YOD1: variants seen among roughly 807,000 people sequenced by gnomAD.
YOD1 encodes the protein ubiquitin thioesterase OTU1.
A neutral mutation model predicts 23.7 loss-of-function variants in YOD1; 17 were observed. The observed-to-expected ratio is 0.72, with a 90% CI of 0.49 to 1.07. YOD1 has a LOEUF of 1.07. YOD1 is among the 50% of genes least tolerant of loss of function. The pLI is 0.00. For missense variants in YOD1, 413 were observed against 447.2 expected, an observed-to-expected ratio of 0.92 and a Z score of 0.69; for synonymous variants, 191 against 169.6, an observed-to-expected ratio of 1.13 and a Z score of -0.98.
At position 207,049,247 on chromosome 1, in the gene YOD1, T is replaced by TA; in HGVS notation, c.819dup (p.Asn274Ter). 6.2e-7 allele frequency: 1 copy of TA among 1,614,122 alleles called. No homozygotes were observed. The highest frequency in any genetic ancestry group is 1.3e-5 in the African/African-American group (1 of 75,022). ...GGAGGTGTATCTGGATCAGGGAAGT[T>TA]ACGCTGAAGTGGATCATAGTGGATG... On this transcript the variant is annotated frameshift_variant, in exon 2 of 2. Transcript: ENST00000315927. LOFTEE classifies it high-confidence loss of function.
In YOD1 at chr1:207,050,982, C is replaced by T. The variant is rs1325347603; in HGVS notation, c.49G>A (p.Gly17Ser). 5.9e-6 allele frequency: 9 copies of T among 1,537,064 alleles called. No individual in the cohort carries two copies. In the African/African-American group the frequency reaches 9.6e-5, roughly 16 times the overall value. Reference protein sequence around the residue: ...GRHFGVHPAPGFPGGVSQQAA... With the variant: ...GRHFGVHPAPSFPGGVSQQAA... ...TGTTGGGAGACGCCGCCGGGGAAAC[C>T]AGGCGCCGGGTGGACTCCAAAATGG... The change falls in exon 1 of 2, where the codon GGT becomes AGT. Residue 17 changes from glycine (G) to serine (S), a missense_variant. Gly to Ser is a moderately conservative substitution (Grantham distance 56). Transcript: ENST00000315927.
Position 207,048,300 on chromosome 1 carries a change from A to G in YOD1, c.*720T>C, listed in dbSNP as rs1328796484. On this transcript the variant is annotated 3_prime_UTR_variant, in exon 2 of 2. Transcript: ENST00000315927. ...ATGCTAGAGATCTTAAACAGGGCAC[A>G]ATCAGTTCCTGTTTTGTGATAACAT... 1 of 152,722 alleles carries G rather than the reference A, an allele frequency of 6.5e-6. No homozygotes were observed. Among genetic ancestry groups the G allele is most frequent in the East Asian group, 1.9e-4 (1 of 5,204 alleles). The allele number at this position is 152,722 out of a possible 1,614,324, so 9.5% of individuals were successfully genotyped here.
Position 207,047,871 on chromosome 1 carries a change from T to G in YOD1, c.*1149A>C, listed in dbSNP as rs985632527. 1.3e-5 allele frequency: 2 copies of G among 152,202 alleles called. No individual in the cohort carries two copies. Among genetic ancestry groups the G allele is most frequent in the Admixed American group, 1.3e-4 (2 of 15,278 alleles). The allele number at this position is 152,202 out of a possible 1,614,324, so 9.4% of individuals were successfully genotyped here. A position where few individuals can be genotyped will look rare whatever the true frequency, so the allele number is the denominator to read the frequency against. ...AAAAATCAAAGTAAAAGATTGCAGATAAGCAAAGTGCTAATTTGCAGAAAT... is the reference window on the plus strand; with the variant it reads ...AAAAATCAAAGTAAAAGATTGCAGAGAAGCAAAGTGCTAATTTGCAGAAAT... On this transcript the variant is annotated 3_prime_UTR_variant, in exon 2 of 2. Transcript: ENST00000315927.
In YOD1 at chr1:207,049,476, A is replaced by G. The variant is rs1682680414; in HGVS notation, c.591T>C (p.Tyr197=). ...TTGTTTTTCCCAGTATTGCCTCACT[A>G]TAGAAGTCTGGATCGCTTGCTACAA... The part of the protein sequence containing the change: ...AQIVASDPDF[Y]SEAILGKTNQ... The change falls in exon 2 of 2, where the codon TAT becomes TAC. Residue 197 remains tyrosine (Y), a synonymous_variant. Coordinates refer to ENST00000315927, the MANE Select transcript of YOD1 (RefSeq NM_018566.4). The G allele has an allele frequency of 1.9e-6, 3 of 1,614,072 alleles. No homozygotes were observed. Among genetic ancestry groups the G allele is most frequent in the East Asian group, 2.2e-5 (1 of 44,894 alleles).
chr1:207,049,514 G>A lies in YOD1; in HGVS notation c.553C>T (p.Leu185Phe). 1 of 1,614,126 alleles carries A rather than the reference G, an allele frequency of 6.2e-7. No homozygotes were observed. Residue 185 changes from leucine (L) to phenylalanine (F), a missense_variant, in exon 2 of 2, where the codon CTC (leucine) becomes TTC (phenylalanine). By Grantham distance (22) the Leu-to-Phe change is conservative. Transcript: ENST00000315927. ...NPACAPEMRR[L>F]IAQIVASDPD... is the part of the protein sequence containing the mutation. ...TCGCTTGCTACAATTTGTGCTATGAGGCGTCTCATCTCAGGGGCACAAGCT... is the reference window on the plus strand; with the variant it reads ...TCGCTTGCTACAATTTGTGCTATGAAGCGTCTCATCTCAGGGGCACAAGCT...
At chr1:207,051,389 C>T (rs1288910622), upstream of YOD1, among the ~76,000 whole-genome samples, 2 of 152,188 alleles carry the variant, frequency 1.3e-5, no homozygotes, top group Non-Finnish European at 2.9e-5. Context: ...TAGTTCACAA[C>T]GCAAACGAAT....
At chr1:207,049,802 T>C (rs1290227640) in intron 1 of YOD1, 79 bp from the exon 2 acceptor site, 1 of 1,354,974 alleles carries the variant, frequency 7.4e-7, no homozygotes, top group Non-Finnish European at 1.0e-6. Flanking sequence ...GTCTGTAAAT[T>C]ACAAACTGAA....
chr1:207,044,367 C>T lies in YOD1; in HGVS notation c.*4653G>A, dbSNP rs1410581886. 1.3e-5 allele frequency: 2 copies of T among 152,482 alleles called. No homozygotes were observed. The highest frequency in any genetic ancestry group is 2.9e-5 in the Non-Finnish European group (2 of 67,958). 9.4% of individuals were successfully genotyped at this position (152,482 alleles called of 1,614,324 possible). On this transcript the variant is annotated 3_prime_UTR_variant, in exon 2 of 2. Coordinates refer to ENST00000315927, the MANE Select transcript of YOD1 (RefSeq NM_018566.4). ...TAAACAGCTGGAGTCCTGAATGGCA[C>T]CAATGTGACTGGAAAACTGACAAAA...
rs1467788240 is a variant in YOD1 at position 207,048,271 on chromosome 1, TTA to T, written c.*747_*748del. ...CCTATTCCCTCATACATTCTACGTT[TTA>T]TATGCTAGAGATCTTAAACAGGGCA... On this transcript the variant is annotated 3_prime_UTR_variant, in exon 2 of 2. Coordinates refer to ENST00000315927, the MANE Select transcript of YOD1 (RefSeq NM_018566.4). 1 of 152,672 alleles carries T rather than the reference TTA, an allele frequency of 6.5e-6. No individual in the cohort carries two copies. Among genetic ancestry groups the T allele is most frequent in the Non-Finnish European group, 1.5e-5 (1 of 68,052 alleles). The allele number at this position is 152,672 out of a possible 1,614,324, so 9.5% of individuals were successfully genotyped here. A position where few individuals can be genotyped will look rare whatever the true frequency, so the allele number is the denominator to read the frequency against.
chr1:207,049,744 C>A (rs1185706062), intron 1 of YOD1, 21 bp from the exon 2 acceptor site: 10 of 1,585,984 alleles, frequency 6.3e-6, no homozygotes, highest in Non-Finnish European at 8.6e-6. Flanking sequence ...TAAAACAAAT[C>A]CCGATCTGCA....
intron 1 of YOD1, 48 bp downstream of exon 1, chr1:207,050,640 C>A: frequency 1.2e-6 from 2 of 1,603,962 alleles, no homozygotes; most frequent in East Asian, 4.5e-5. Flanking sequence ...TCTCACGCCC[C>A]TCTCCATCCT....
upstream of YOD1, chr1:207,052,852 T>G (rs1682791122): frequency 6.6e-6 from 1 of 152,340 alleles, no homozygotes. Context: ...CAAAAACATC[T>G]TTAAAGCTTA....
rs368232953 is a variant in YOD1, at chr1:207,049,761, T to C, written c.344-38A>G. The C allele has an allele frequency of 1.3e-5, 21 of 1,560,468 alleles. No homozygotes were observed. In the African/African-American group the frequency reaches 2.3e-4, roughly 17 times the overall value. On this transcript the variant is annotated intron_variant, in intron 1 of 1. Coordinates refer to ENST00000315927, the MANE Select transcript of YOD1 (RefSeq NM_018566.4). Reference sequence around the variant, plus strand: ...AAACAAATCCCGATCTGCAAAGAAATTACAGAAGAAACCGAGTGTTCTCTA... The same window carrying C: ...AAACAAATCCCGATCTGCAAAGAAACTACAGAAGAAACCGAGTGTTCTCTA...
chr1:207,052,940 C>T (rs566347827), upstream of YOD1: 4 of 152,290 alleles, frequency 2.6e-5, no homozygotes, highest in South Asian at 8.3e-4. Flanking sequence ...ATTTTCTCGT[C>T]ACCCGGCACA....
chr1:207,052,065 G>T, upstream of YOD1: 3 of 793,440 alleles, frequency 3.8e-6, no homozygotes, highest in South Asian at 1.6e-5. Context: ...CATACTCATT[G>T]TTCTTTATCC....
upstream of YOD1, chr1:207,052,378 G>A: frequency 1.5e-6 from 1 of 659,458 alleles, no homozygotes; most frequent in Non-Finnish European, 2.6e-6. Context: ...GTCCACCGGG[G>A]TGGCCGGGCG....
chr1:207,050,779 G>T lies in YOD1; in HGVS notation c.252C>A (p.Pro84=), dbSNP rs765840248. 1.2e-6 allele frequency: 2 copies of T among 1,613,346 alleles called. No homozygotes were observed. Among genetic ancestry groups the T allele is most frequent in the Admixed American group, 3.3e-5 (2 of 60,010 alleles). ...GQIAAITGIA[P]GGQRILVGYP... is the part of the protein sequence containing the mutation. ...ATCCGACGAGGATTCGCTGACCGCC[G>T]GGGGCGATCCCGGTGATGGCGGCAA... Residue 84 remains proline, a synonymous_variant, in exon 1 of 2, where the codon CCC becomes CCA. Coordinates refer to ENST00000315927, the MANE Select transcript of YOD1 (RefSeq NM_018566.4).
Position 207,049,076 on chromosome 1 carries a change from C to T in YOD1, c.991G>A (p.Ala331Thr). Reference protein sequence around the residue: ...MVCQKGLTGQAEAREHAKETG... With the variant: ...MVCQKGLTGQTEAREHAKETG... ...TCCTTGGCATGTTCCCTTGCTTCTG[C>T]TTGTCCAGTTAATCCTTTCTGACAT... Residue 331 changes from alanine to threonine, a missense_variant, in exon 2 of 2, where the codon GCA becomes ACA. Ala to Thr is a moderately conservative substitution (Grantham distance 58). Transcript: ENST00000315927. The T allele has an allele frequency of 6.2e-7, 1 of 1,613,992 alleles. No homozygotes were observed. Among genetic ancestry groups the T allele is most frequent in the East Asian group, 2.2e-5 (1 of 44,844 alleles).
Position 207,050,864 on chromosome 1 carries a change from C to A in YOD1, c.167G>T (p.Gly56Val). The A allele has an allele frequency of 6.2e-7, 1 of 1,611,440 alleles. No individual in the cohort carries two copies. The highest frequency in any genetic ancestry group is 8.5e-7 in the Non-Finnish European group (1 of 1,179,124). The change falls in exon 1 of 2, where the codon GGC becomes GTC. Residue 56 changes from glycine to valine, a missense_variant. Coordinates refer to ENST00000315927, the MANE Select transcript of YOD1 (RefSeq NM_018566.4). ...MWRLRCKAKDGTHVLQGLSSR... is the reference protein window; with the variant it reads ...MWRLRCKAKDVTHVLQGLSSR... ...GGACAGCCCCTGCAAAACATGGGTG[C>A]CGTCCTTGGCCTTGCAGCGGAGCCG...
Sources: allele counts gnomAD v4.1 joint callset (sites outside exome capture counted in the v4.1 genomes callset), GRCh38; gene constraint gnomAD v4.1.1; transcripts MANE v1.5; gene names NCBI Gene and HGNC (gene_info 2026-07-23, HGNC 2026-07-21).